The following ZBTB20 variants were observed in gnomAD, a reference collection of about 807,000 sequenced individuals.
ZBTB20 encodes the protein zinc finger and BTB domain-containing protein 20.
In ZBTB20, 9 loss-of-function variants were observed where a neutral mutation model predicts 56.9. The observed-to-expected ratio is 0.16, with a 90% CI of 0.10 to 0.28. The LOEUF (loss-of-function observed/expected upper bound fraction) is 0.28, where lower values mean the gene tolerates loss of function less well. Ranked by LOEUF, ZBTB20 falls within the 10% of genes least tolerant of loss-of-function variation. ZBTB20 has a pLI of 1.00. For synonymous variants in ZBTB20, 417 were observed against 420.7 expected, an observed-to-expected ratio of 0.99 and a Z score of 0.11; for missense variants, 655 against 1,003.0, an observed-to-expected ratio of 0.65 and a Z score of 4.69.
intron 6 of ZBTB20, among the ~76,000 whole-genome samples, chr3:114,659,760 G>C (rs775808080): frequency 6.6e-6 from 1 of 152,080 alleles, no homozygotes; most frequent in African/African-American, 2.4e-5. Context: ...CAAGCCTTGT[G>C]ATCAAAATAA....
At chr3:114,796,008 T>C (rs1253260975) in intron 5 of ZBTB20, among the ~76,000 whole-genome samples, 1 of 151,636 alleles carries the variant, frequency 6.6e-6, no homozygotes, top group Non-Finnish European at 1.5e-5. Context: ...TGTAGATGAG[T>C]ATTGCATTAG....
chr3:114,394,671 G>A (rs1234894742), intron 7 of ZBTB20, among the ~76,000 whole-genome samples: 1 of 152,180 alleles, frequency 6.6e-6, no homozygotes, highest in Non-Finnish European at 1.5e-5. Context: ...AGGTGATGCT[G>A]ATGCTACTGG....
At chr3:114,779,190 CT>C (rs1464901291) in intron 5 of ZBTB20, among the ~76,000 whole-genome samples, 1 of 152,160 alleles carries the variant, frequency 6.6e-6, no homozygotes, top group Admixed American at 6.5e-5. Flanking sequence ...TGCTTTAACA[CT>C]ATGTACACCT....
At chr3:114,572,910 A>C (rs1323904847) in intron 6 of ZBTB20, among the ~76,000 whole-genome samples, 1 of 152,212 alleles carries the variant, frequency 6.6e-6, no homozygotes, top group Non-Finnish European at 1.5e-5. Flanking sequence ...AAATTTTATC[A>C]GTAGTACTTT....
intron 7 of ZBTB20, among the ~76,000 whole-genome samples, chr3:114,418,433 A>G (rs2088804360): frequency 1.3e-5 from 2 of 152,054 alleles, no homozygotes; most frequent in Non-Finnish European, 2.9e-5. Flanking sequence ...AGTTGTGGCC[A>G]TACATTCACT....
At chr3:114,640,814 G>A (rs1322259142) in intron 6 of ZBTB20, among the ~76,000 whole-genome samples, 1 of 151,926 alleles carries the variant, frequency 6.6e-6, no homozygotes, top group African/African-American at 2.4e-5. Flanking sequence ...GCTTTAATCA[G>A]AAAAAGTTTA....
chr3:114,640,621 C>T (rs1424547291), intron 6 of ZBTB20, among the ~76,000 whole-genome samples: 1 of 151,984 alleles, frequency 6.6e-6, no homozygotes, highest in African/African-American at 2.4e-5. Context: ...TTTTCACTTT[C>T]AAAAGTGTCC....
At chr3:114,968,359 T>A in intron 3 of ZBTB20, among the ~76,000 whole-genome samples, 1 of 152,192 alleles carries the variant, frequency 6.6e-6, no homozygotes, top group East Asian at 1.9e-4. Context: ...CTTAAAAAAC[T>A]GATTATTTGT....
At chr3:114,621,909 T>C (rs947608413) in intron 6 of ZBTB20, among the ~76,000 whole-genome samples, 6 of 152,184 alleles carry the variant, frequency 3.9e-5, no homozygotes, top group African/African-American at 1.2e-4. Context: ...TTCTTATATA[T>C]TTCAATTTAG....
At chr3:114,533,668 C>A (rs1398842981) in intron 6 of ZBTB20, among the ~76,000 whole-genome samples, 2 of 152,002 alleles carry the variant, frequency 1.3e-5, no homozygotes, top group Admixed American at 1.3e-4. Context: ...AGAAGAGCAA[C>A]CCCAAGACAC....
intron 6 of ZBTB20, among the ~76,000 whole-genome samples, chr3:114,533,448 A>C (rs1326092423): frequency 6.6e-6 from 1 of 152,108 alleles, no homozygotes; most frequent in Non-Finnish European, 1.5e-5. Flanking sequence ...AGAAAAAAGA[A>C]TGAAAAGGAA....
chr3:115,004,166 C>G (rs1443597194), intron 2 of ZBTB20, among the ~76,000 whole-genome samples: 1 of 151,630 alleles, frequency 6.6e-6, no homozygotes, highest in Non-Finnish European at 1.5e-5. Flanking sequence ...TGGTTTCAAT[C>G]TCTAGTTGGT....
intron 2 of ZBTB20, among the ~76,000 whole-genome samples, chr3:115,034,315 T>A (rs1340946138): frequency 6.6e-6 from 1 of 151,632 alleles, no homozygotes; most frequent in Admixed American, 6.6e-5. Context: ...TCATATGATC[T>A]CATATGTAAA....
chr3:114,767,755 G>A (rs1051771873), intron 5 of ZBTB20, among the ~76,000 whole-genome samples: 1 of 152,022 alleles, frequency 6.6e-6, no homozygotes, highest in African/African-American at 2.4e-5. Context: ...CCAAATGTCT[G>A]GGACACAAGT....
intron 1 of ZBTB20, among the ~76,000 whole-genome samples, chr3:115,091,838 A>G (rs1307260200): frequency 6.6e-6 from 1 of 152,070 alleles, no homozygotes; most frequent in African/African-American, 2.4e-5. Flanking sequence ...AGGATGAATA[A>G]GACACAGACA....
At chr3:114,467,696 A>G (rs1049527987) in intron 7 of ZBTB20, among the ~76,000 whole-genome samples, 1 of 152,234 alleles carries the variant, frequency 6.6e-6, no homozygotes, top group African/African-American at 2.4e-5. Flanking sequence ...ATTAACTCTG[A>G]AGCAAAACTA....
intron 6 of ZBTB20, among the ~76,000 whole-genome samples, chr3:114,640,618 T>C (rs1263923063): frequency 6.6e-6 from 1 of 152,076 alleles, no homozygotes; most frequent in East Asian, 1.9e-4. Context: ...TCATTTTCAC[T>C]TTCAAAAGTG....
intron 7 of ZBTB20, among the ~76,000 whole-genome samples, 159 bp from the exon 8 acceptor site, chr3:114,389,264 A>G (rs992448474): frequency 1.3e-5 from 2 of 151,944 alleles, no homozygotes; most frequent in Non-Finnish European, 2.9e-5. Flanking sequence ...CGGAAGGGAG[A>G]ATGGAGAGGA....
chr3:114,512,614 T>G (rs2045539810), intron 6 of ZBTB20, among the ~76,000 whole-genome samples: 1 of 152,188 alleles, frequency 6.6e-6, no homozygotes, highest in South Asian at 2.1e-4. Flanking sequence ...AGCTATACTA[T>G]CAACACAGCT....
Sources: allele counts gnomAD v4.1 joint callset (sites outside exome capture counted in the v4.1 genomes callset), GRCh38; gene constraint gnomAD v4.1.1; transcripts MANE v1.5; gene names NCBI Gene and HGNC (gene_info 2026-07-23, HGNC 2026-07-21).